The following GOLPH3 variants were observed in gnomAD, a reference collection of about 807,000 sequenced individuals.
GOLPH3 encodes coat protein GPP34.
GOLPH3 carries 14 observed loss-of-function variants against 28.5 expected under a neutral mutation model. The observed-to-expected ratio is 0.49, with a 90% CI of 0.32 to 0.77. The LOEUF is 0.77. GOLPH3 is among the 30% of genes least tolerant of loss of function. GOLPH3 has a pLI of 0.03. For synonymous variants in GOLPH3, 158 were observed against 159.2 expected (o/e 0.99, Z 0.06); for missense variants, 350 against 393.7 (o/e 0.89, Z 0.94).
chr5:32,141,783 T>G (rs932855071), intron 2 of GOLPH3, among the ~76,000 whole-genome samples: 1 of 152,124 alleles, frequency 6.6e-6, no homozygotes, highest in Admixed American at 6.5e-5. Context: ...CGTATTTTTT[T>G]GGTGGAGACG....
At chr5:32,137,244 C>A (rs1248898580) in intron 2 of GOLPH3, among the ~76,000 whole-genome samples, 1 of 151,764 alleles carries the variant, frequency 6.6e-6, no homozygotes, top group Non-Finnish European at 1.5e-5. Context: ...CAGGAATGAT[C>A]CACTGCACCT....
intron 2 of GOLPH3, among the ~76,000 whole-genome samples, chr5:32,139,128 C>T (rs1331099671): frequency 6.6e-6 from 1 of 152,160 alleles, no homozygotes; most frequent in Non-Finnish European, 1.5e-5. Context: ...CACTTTTCTC[C>T]ATCATCTTGC....
chr5:32,147,819 T>C (rs1581546565), intron 1 of GOLPH3, among the ~76,000 whole-genome samples: 1 of 152,100 alleles, frequency 6.6e-6, no homozygotes, highest in Non-Finnish European at 1.5e-5. Flanking sequence ...ATTTGTGAAG[T>C]AGTAAAGAAC....
chr5:32,163,116 G>A (rs1045482239), intron 1 of GOLPH3, among the ~76,000 whole-genome samples: 2 of 152,148 alleles, frequency 1.3e-5, no homozygotes, highest in African/African-American at 2.4e-5. Flanking sequence ...TTTTGCCCAG[G>A]AGAAAACTAA....
intron 1 of GOLPH3, 99 bp from the exon 2 acceptor site, chr5:32,143,979 C>T: frequency 1.4e-6 from 1 of 706,332 alleles, no homozygotes. Flanking sequence ...TATTTGGTGC[C>T]TTTTACCTTT....
chr5:32,165,118 G>T (rs1436071854), intron 1 of GOLPH3, among the ~76,000 whole-genome samples: 19 of 151,540 alleles, frequency 1.3e-4, no homozygotes, highest in African/African-American at 4.6e-4. Context: ...CAGGCTGGTC[G>T]CTAACTCCCT....
At chr5:32,147,202 T>C (rs368184866) in intron 1 of GOLPH3, among the ~76,000 whole-genome samples, 6 of 152,172 alleles carry the variant, frequency 3.9e-5, no homozygotes, top group Admixed American at 3.3e-4. Flanking sequence ...ATCATTATCA[T>C]AGTAAAACAC....
intron 2 of GOLPH3, among the ~76,000 whole-genome samples, chr5:32,139,521 C>A (rs1746010761): frequency 6.6e-6 from 1 of 152,216 alleles, no homozygotes; most frequent in African/African-American, 2.4e-5. Context: ...ATCCATTCTC[C>A]TCACTGATCT....
intron 2 of GOLPH3, among the ~76,000 whole-genome samples, chr5:32,140,643 GAT>G (rs1218353160): frequency 6.7e-6 from 1 of 149,962 alleles, no homozygotes; most frequent in Non-Finnish European, 1.5e-5. Flanking sequence ...CAGCCTGGGT[GAT>G]AGAGTGACAC....
intron 1 of GOLPH3, 28 bp downstream of exon 1, chr5:32,173,781 GC>G (rs1554050236): frequency 4.5e-6 from 6 of 1,323,084 alleles, no homozygotes; most frequent in Non-Finnish European, 1.9e-6. Context: ...CCGCGCCGCC[GC>G]CCCCCGCCCA....
At chr5:32,128,782 C>T (rs1745754600) in intron 3 of GOLPH3, among the ~76,000 whole-genome samples, 1 of 151,508 alleles carries the variant, frequency 6.6e-6, no homozygotes, top group Non-Finnish European at 1.5e-5. Context: ...ACTTAACATT[C>T]ACACTGTCCA....
chr5:32,136,006 C>G (rs750616444), intron 2 of GOLPH3, among the ~76,000 whole-genome samples: 3 of 152,156 alleles, frequency 2.0e-5, no homozygotes, highest in Non-Finnish European at 2.9e-5. Flanking sequence ...AAAACCCTGT[C>G]TCTACTAAAA....
chr5:32,170,477 T>TA (rs1379590728), intron 1 of GOLPH3, among the ~76,000 whole-genome samples: 1 of 152,198 alleles, frequency 6.6e-6, no homozygotes, highest in Non-Finnish European at 1.5e-5. Flanking sequence ...ATTAAAAAGA[T>TA]AAATGCTGAA....
intron 3 of GOLPH3, among the ~76,000 whole-genome samples, chr5:32,128,558 C>A (rs1029733097): frequency 6.6e-6 from 1 of 152,064 alleles, no homozygotes; most frequent in Non-Finnish European, 1.5e-5. Flanking sequence ...ACTCGGACGG[C>A]TGAGGCAGGA....
At chr5:32,167,019 T>C (rs447839) in intron 1 of GOLPH3, among the ~76,000 whole-genome samples, 38,302 of 151,842 alleles carry the variant, frequency 0.25, 5,972 homozygotes, top group South Asian at 0.41. Context: ...AAGCTTAACA[T>C]TATGTACCAG....
At chr5:32,128,555 C>T (rs899824202) in intron 3 of GOLPH3, among the ~76,000 whole-genome samples, 4 of 151,872 alleles carry the variant, frequency 2.6e-5, no homozygotes, top group South Asian at 2.1e-4. Context: ...GCTACTCGGA[C>T]GGCTGAGGCA....
intron 3 of GOLPH3, among the ~76,000 whole-genome samples, chr5:32,135,081 A>G (rs944168390): frequency 1.3e-5 from 2 of 152,172 alleles, no homozygotes; most frequent in Non-Finnish European, 2.9e-5. Context: ...ACCACATGTC[A>G]TTTCTAAGCA....
intron 1 of GOLPH3, among the ~76,000 whole-genome samples, chr5:32,147,864 C>A (rs772347072): frequency 1.3e-5 from 2 of 152,104 alleles, no homozygotes; most frequent in African/African-American, 2.4e-5. Context: ...AAACACCTGG[C>A]GATTCAAATC....
intron 1 of GOLPH3, among the ~76,000 whole-genome samples, chr5:32,158,509 G>A (rs895455675): frequency 6.6e-6 from 1 of 152,002 alleles, no homozygotes; most frequent in African/African-American, 2.4e-5. Flanking sequence ...GACAGACCCG[G>A]ACCAACCCTG....
Sources: gnomAD v4.1 joint callset for allele counts (sites outside exome capture counted in the v4.1 genomes callset) on GRCh38, gnomAD v4.1.1 for gene constraint, MANE v1.5 for transcripts, NCBI Gene and HGNC (gene_info 2026-07-23, HGNC 2026-07-21) for gene names.